CNTNAP5: variants seen among roughly 807,000 people sequenced by gnomAD.
CNTNAP5 encodes contactin associated protein family member 5.
Under a neutral mutation model 150.2 loss-of-function variants are expected in CNTNAP5, and 72 were observed. The observed-to-expected ratio is 0.48, with a 90% CI of 0.40 to 0.58. CNTNAP5 has a LOEUF of 0.58. Ranked by LOEUF, CNTNAP5 falls within the 20% of genes least tolerant of loss-of-function variation. The probability of loss-of-function intolerance (pLI) is 0.00; values close to 1 mark genes in which losing one functional copy is unlikely to be tolerated. For missense variants in CNTNAP5, 1,636 were observed against 1,626.2 expected, an observed-to-expected ratio of 1.01 and a Z score of -0.10; for synonymous variants, 672 against 619.8, an observed-to-expected ratio of 1.08 and a Z score of -1.25.
At chr2:124,341,877 C>A (rs545794867) in intron 3 of CNTNAP5, among the ~76,000 whole-genome samples, 3 of 152,134 alleles carry the variant, frequency 2.0e-5, no homozygotes, top group African/African-American at 7.2e-5. Context: ...TCAAGCTGAC[C>A]AGTTTTGTCT....
At chr2:124,630,135 T>A (rs1226330400) in intron 12 of CNTNAP5, among the ~76,000 whole-genome samples, 1 of 151,964 alleles carries the variant, frequency 6.6e-6, no homozygotes, top group African/African-American at 2.4e-5. Context: ...AGCTGAACTC[T>A]ACCAGAGGTA....
chr2:124,594,198 T>C (rs1288924971), intron 11 of CNTNAP5, among the ~76,000 whole-genome samples: 1 of 129,458 alleles, frequency 7.7e-6, no homozygotes, highest in Non-Finnish European at 1.6e-5. Flanking sequence ...GTTTTGGACA[T>C]GAAGTCCTTG....
At chr2:124,440,885 G>A (rs1189233993) in intron 5 of CNTNAP5, among the ~76,000 whole-genome samples, 1 of 151,916 alleles carries the variant, frequency 6.6e-6, no homozygotes, top group Admixed American at 6.6e-5. Flanking sequence ...GTTAAAACTA[G>A]TAATTGAACC....
At chr2:124,574,211 C>T (rs918339133) in intron 11 of CNTNAP5, among the ~76,000 whole-genome samples, 34 of 152,148 alleles carry the variant, frequency 2.2e-4, no homozygotes, top group African/African-American at 7.7e-4. Context: ...ACGGGGGATA[C>T]TCCTGCATGA....
chr2:124,248,324 G>C (rs933064022), intron 3 of CNTNAP5, among the ~76,000 whole-genome samples: 1 of 152,118 alleles, frequency 6.6e-6, no homozygotes, highest in African/African-American at 2.4e-5. Context: ...TACCCTGTGG[G>C]TTGCAATGTG....
chr2:124,283,442 A>G (rs1688066578), intron 3 of CNTNAP5, among the ~76,000 whole-genome samples: 2 of 152,138 alleles, frequency 1.3e-5, no homozygotes, highest in Admixed American at 6.5e-5. Flanking sequence ...ACAGTTGGAG[A>G]CATCCTGGCA....
intron 2 of CNTNAP5, among the ~76,000 whole-genome samples, chr2:124,240,145 G>A (rs1686849266): frequency 6.6e-6 from 1 of 152,122 alleles, no homozygotes; most frequent in African/African-American, 2.4e-5. Flanking sequence ...AAAGGATATT[G>A]TATATTTATT....
intron 10 of CNTNAP5, among the ~76,000 whole-genome samples, chr2:124,533,494 T>G (rs562532855): frequency 3.9e-5 from 6 of 152,262 alleles, no homozygotes; most frequent in East Asian, 3.9e-4. Flanking sequence ...GACGTGGAAT[T>G]GTGTGGAATC....
intron 17 of CNTNAP5, among the ~76,000 whole-genome samples, chr2:124,781,639 T>C (rs1681454852): frequency 6.6e-6 from 1 of 152,042 alleles, no homozygotes; most frequent in African/African-American, 2.4e-5. Flanking sequence ...TCTTGCTGTC[T>C]ATTTGGGGTA....
At chr2:124,801,396 A>C (rs1218030329) in intron 19 of CNTNAP5, among the ~76,000 whole-genome samples, 1 of 152,182 alleles carries the variant, frequency 6.6e-6, no homozygotes, top group African/African-American at 2.4e-5. Flanking sequence ...ACTTTGACTA[A>C]ATTTTAAAAT....
At chr2:124,573,678 T>A (rs1696214911) in intron 11 of CNTNAP5, among the ~76,000 whole-genome samples, 1 of 152,206 alleles carries the variant, frequency 6.6e-6, no homozygotes, top group South Asian at 2.1e-4. Flanking sequence ...TACAAAGCTC[T>A]AGTATGTCCC....
chr2:124,222,083 C>G (rs1375402511), intron 2 of CNTNAP5, among the ~76,000 whole-genome samples: 1 of 151,904 alleles, frequency 6.6e-6, no homozygotes, highest in Admixed American at 6.6e-5. Flanking sequence ...AAAGCACTTG[C>G]TTTATTTTTA....
At chr2:124,703,582 C>T (rs1289573932) in intron 13 of CNTNAP5, among the ~76,000 whole-genome samples, 4 of 152,162 alleles carry the variant, frequency 2.6e-5, no homozygotes, top group Admixed American at 1.3e-4. Context: ...CTTAGCACAT[C>T]GCACTTAACT....
At chr2:124,862,511 G>A (rs1415362171) in intron 19 of CNTNAP5, among the ~76,000 whole-genome samples, 2 of 152,310 alleles carry the variant, frequency 1.3e-5, no homozygotes, top group East Asian at 1.9e-4. Context: ...GAAGCAAGCC[G>A]AGGGGGTAGA....
At position 124,170,659 on chromosome 2, in the gene CNTNAP5, G is replaced by A. The variant is rs933083976; in HGVS notation, c.83-51046G>A. Among the ~76,000 whole-genome samples the A allele has an allele frequency of 5.3e-5, 8 of 152,260 alleles. No individual in the cohort carries two copies. The East Asian group carries it at 9.7e-4, about 18-fold the overall frequency. On this transcript the variant is annotated intron_variant, in intron 1 of 23. Transcript: ENST00000682447. ...GTGTGATAGAGACAGCCAAGGTGGC[G>A]GCCATGGGCCACGGTGAGCTGTGTC...
chr2:124,656,962 C>G (rs559054840), intron 13 of CNTNAP5, among the ~76,000 whole-genome samples: 1 of 152,260 alleles, frequency 6.6e-6, no homozygotes, highest in East Asian at 1.9e-4. Flanking sequence ...GCCTTCTGAG[C>G]CTCAGTTTTC....
At chr2:124,717,808 C>G (rs1679974435) in intron 13 of CNTNAP5, among the ~76,000 whole-genome samples, 2 of 152,116 alleles carry the variant, frequency 1.3e-5, no homozygotes, top group African/African-American at 4.8e-5. Flanking sequence ...TAGAGGTAGT[C>G]TATTCATTTC....
At chr2:124,854,528 T>C (rs888075537) in intron 19 of CNTNAP5, among the ~76,000 whole-genome samples, 2 of 152,196 alleles carry the variant, frequency 1.3e-5, no homozygotes, top group Admixed American at 1.3e-4. Flanking sequence ...TTCAACTAGA[T>C]TATAAGGTCT....
At chr2:124,155,985 C>T (rs1026462397) in intron 1 of CNTNAP5, among the ~76,000 whole-genome samples, 1 of 152,190 alleles carries the variant, frequency 6.6e-6, no homozygotes, top group Non-Finnish European at 1.5e-5. Flanking sequence ...GCGTGGCCAG[C>T]CACCCTCACC....
Sources: gnomAD v4.1 joint callset for allele counts (sites outside exome capture counted in the v4.1 genomes callset) on GRCh38, gnomAD v4.1.1 for gene constraint, MANE v1.5 for transcripts, NCBI Gene and HGNC (gene_info 2026-07-23, HGNC 2026-07-21) for gene names.